The following JMJD1C variants were observed in gnomAD, a reference collection of about 807,000 sequenced individuals.
JMJD1C encodes the protein jumonji domain-containing protein 1C.
A neutral mutation model predicts 245.3 loss-of-function variants in JMJD1C; 31 were observed. That is an observed-to-expected ratio of 0.13 (90% CI 0.09 to 0.17). The LOEUF (loss-of-function observed/expected upper bound fraction) is 0.17. Among genes scored for constraint, JMJD1C ranks in the 10% least tolerant of loss-of-function variants. The pLI, the probability that JMJD1C is intolerant of heterozygous loss-of-function variation, is 1.00. For missense variants in JMJD1C, 2,691 were observed against 3,000.2 expected (o/e 0.90, Z 2.41); for synonymous variants, 1,057 against 1,017.4 (o/e 1.04, Z -0.74).
At chr10:63,363,550 G>A (rs898384752) in intron 2 of JMJD1C, among the ~76,000 whole-genome samples, 1 of 151,950 alleles carries the variant, frequency 6.6e-6, no homozygotes, top group South Asian at 2.1e-4. Flanking sequence ...GAGCCACCAC[G>A]CCTAACCCAT....
At chr10:63,438,201 T>C (rs1951166357) in intron 1 of JMJD1C, among the ~76,000 whole-genome samples, 1 of 152,172 alleles carries the variant, frequency 6.6e-6, no homozygotes, top group African/African-American at 2.4e-5. Flanking sequence ...CTCCAAAATG[T>C]CTGCTCCTCC....
rs375049797 is a variant in JMJD1C, at chr10:63,200,970, A to G, written c.5075-293T>C. Among the ~76,000 whole-genome samples, 18 of 152,362 alleles carry G rather than the reference A, an allele frequency of 1.2e-4. No homozygotes were observed. In the East Asian group the frequency reaches 2.7e-3, roughly 23 times the overall value. On this transcript the variant is annotated intron_variant, in intron 10 of 25. Coordinates refer to ENST00000399262, the MANE Select transcript of JMJD1C (RefSeq NM_032776.3). ...CTCTTTAAATATCATTCATGTATGT[A>G]TAATAGCAAACATAAGAATCATTCA...
rs988526914 is a variant in JMJD1C at position 63,247,111 on chromosome 10, CA to C, written c.447+17539del. On this transcript the variant is annotated intron_variant, in intron 3 of 25. Coordinates refer to ENST00000399262, the MANE Select transcript of JMJD1C (RefSeq NM_032776.3). The stretch of plus-strand genomic sequence containing the variant: ...CGGAAATAAACTGAGACAAAAAAAA[CA>C]AAAACAAAAACAAAAAAACAAAAAA... Among the ~76,000 whole-genome samples, 172 of 83,612 alleles carry C rather than the reference CA, an allele frequency of 2.1e-3. 3 individuals are homozygous for C. Among genetic ancestry groups the C allele is most frequent in the Non-Finnish European group, 3.9e-3 (150 of 38,020 alleles). 54.9% of individuals were successfully genotyped at this position (83,612 alleles called of 152,430 possible).
intron 11 of JMJD1C, among the ~76,000 whole-genome samples, chr10:63,199,939 G>C (rs1286006935): frequency 1.3e-5 from 2 of 152,076 alleles, no homozygotes; most frequent in Non-Finnish European, 2.9e-5. Flanking sequence ...CCTCTCTTAG[G>C]TAGGTACTAA....
chr10:63,288,875 T>C (rs1858295305), intron 2 of JMJD1C, among the ~76,000 whole-genome samples: 1 of 137,700 alleles, frequency 7.3e-6, no homozygotes, highest in Non-Finnish European at 1.5e-5. Context: ...TGACACTGTC[T>C]CATAATAATA....
intron 2 of JMJD1C, among the ~76,000 whole-genome samples, chr10:63,288,212 T>C (rs907454212): frequency 6.6e-6 from 1 of 152,218 alleles, no homozygotes; most frequent in Non-Finnish European, 1.5e-5. Flanking sequence ...TTCAAACCTG[T>C]ATTGTTCAAG....
At chr10:63,199,677 T>C (rs1053211198) in intron 11 of JMJD1C, among the ~76,000 whole-genome samples, 3 of 152,158 alleles carry the variant, frequency 2.0e-5, no homozygotes, top group African/African-American at 7.2e-5. Flanking sequence ...CTACCTCTTA[T>C]AATTATTCCC....
At chr10:63,224,846 G>A (rs909012737) in intron 3 of JMJD1C, among the ~76,000 whole-genome samples, 2 of 151,754 alleles carry the variant, frequency 1.3e-5, no homozygotes, top group Admixed American at 6.6e-5. Context: ...GGTGGATCAC[G>A]AGGTCAGGAG....
At chr10:63,250,825 C>T (rs937927873) in intron 3 of JMJD1C, among the ~76,000 whole-genome samples, 4 of 152,170 alleles carry the variant, frequency 2.6e-5, no homozygotes, top group Admixed American at 2.0e-4. Context: ...ACTGCAGCCT[C>T]GATCTCCTGG....
At chr10:63,493,701 A>G (rs1019099578) in intron 1 of JMJD1C, among the ~76,000 whole-genome samples, 5 of 152,230 alleles carry the variant, frequency 3.3e-5, no homozygotes, top group African/African-American at 9.6e-5. Context: ...AACAGCACCT[A>G]AAACAGAAGC....
chr10:63,177,460 A>C (rs559136029), intron 23 of JMJD1C: 1 of 442,254 alleles, frequency 2.3e-6, no homozygotes, highest in African/African-American at 2.0e-5. Context: ...TCAAGAACAG[A>C]TCAGTCTTTT....
intron 2 of JMJD1C, among the ~76,000 whole-genome samples, chr10:63,320,584 G>A (rs886946912): frequency 6.6e-6 from 1 of 152,046 alleles, no homozygotes; most frequent in African/African-American, 2.4e-5. Flanking sequence ...CAATTCCTTG[G>A]GAAAGTAGCT....
At chr10:63,304,861 C>A (rs922816228) in intron 2 of JMJD1C, among the ~76,000 whole-genome samples, 3 of 152,224 alleles carry the variant, frequency 2.0e-5, no homozygotes, top group Non-Finnish European at 2.9e-5. Context: ...AGGCCAGGCA[C>A]AGGGGCTCAC....
intron 1 of JMJD1C, among the ~76,000 whole-genome samples, chr10:63,437,656 C>T (rs1174257040): frequency 1.3e-5 from 2 of 152,158 alleles, no homozygotes; most frequent in Non-Finnish European, 2.9e-5. Flanking sequence ...TTCCCAAATG[C>T]CTTGTCAATA....
In JMJD1C at chr10:63,219,934, T is replaced by A. The variant is rs752290836; in HGVS notation, c.497A>T (p.His166Leu). ...CTTTACCCAGACTTTCACTTCCTCATGAAGCTGCGGGTTGTCCCTGAGAAC... is the reference window on the plus strand; with the variant it reads ...CTTTACCCAGACTTTCACTTCCTCAAGAAGCTGCGGGTTGTCCCTGAGAAC... ...NPVLRDNPQL[H>L]EEVKVWVKEQ... is the part of the protein sequence containing the mutation. Residue 166 changes from histidine (H) to leucine (L), a missense_variant, in exon 4 of 26, where the codon CAT (histidine) becomes CTT (leucine). This residue lies in a region of JMJD1C where 172 missense variants were observed against 240.8 expected (regional missense o/e 0.71). Coordinates refer to ENST00000399262, the MANE Select transcript of JMJD1C (RefSeq NM_032776.3). 10 of 1,613,896 alleles carry A rather than the reference T, an allele frequency of 6.2e-6. No individual in the cohort carries two copies. Among genetic ancestry groups the A allele is most frequent in the Non-Finnish European group, 6.8e-6 (8 of 1,179,814 alleles).
chr10:63,436,276 T>A (rs1951054447), intron 1 of JMJD1C, among the ~76,000 whole-genome samples: 1 of 152,184 alleles, frequency 6.6e-6, no homozygotes, highest in African/African-American at 2.4e-5. Context: ...ACAAGAGGAA[T>A]AACAATTCTT....
chr10:63,427,778 G>T (rs1472750602), intron 1 of JMJD1C: 13 of 1,349,832 alleles, frequency 9.6e-6, no homozygotes, highest in Admixed American at 3.4e-5. Flanking sequence ...ACTATGAAGG[G>T]TTTTGAATAT....
chr10:63,318,512 C>T (rs146708484), intron 2 of JMJD1C, among the ~76,000 whole-genome samples: 13 of 152,172 alleles, frequency 8.5e-5, no homozygotes, highest in Admixed American at 2.0e-4. Context: ...TCTGCCATTT[C>T]CTTCATTCTG....
At chr10:63,222,971 G>A (rs1848784856) in intron 3 of JMJD1C, 1 of 1,459,408 alleles carries the variant, frequency 6.9e-7, no homozygotes, top group Non-Finnish European at 9.6e-7. Context: ...AATGTCAGCA[G>A]TGAGAGACGA....
Sources: gnomAD v4.1 joint callset for allele counts (sites outside exome capture counted in the v4.1 genomes callset) on GRCh38, gnomAD v4.1.1 for gene constraint, gnomAD v4.1.1 regional missense constraint, MANE v1.5 for transcripts, NCBI Gene and HGNC (gene_info 2026-07-23, HGNC 2026-07-21) for gene names.